TGFBR2: variants seen among roughly 807,000 people sequenced by gnomAD.
The protein encoded by TGFBR2 is transforming growth factor beta receptor 2.
Under a neutral mutation model 49.0 loss-of-function variants are expected in TGFBR2, and 18 were observed. That is an observed-to-expected ratio of 0.37 (90% CI 0.25 to 0.54). TGFBR2 has a LOEUF of 0.54. Among genes scored for constraint, TGFBR2 ranks in the 20% least tolerant of loss-of-function variants. The pLI is 0.85. For synonymous variants in TGFBR2, 282 were observed against 275.9 expected, an observed-to-expected ratio of 1.02 and a Z score of -0.22; for missense variants, 525 against 722.6, an observed-to-expected ratio of 0.73 and a Z score of 3.13.
chr3:30,675,889 C>T (rs529233529), intron 5 of TGFBR2, among the ~76,000 whole-genome samples: 6 of 152,254 alleles, frequency 3.9e-5, no homozygotes, highest in African/African-American at 9.6e-5. Context: ...ACTTCCAAGT[C>T]CCCAGTAATG....
chr3:30,611,818 G>T (rs905651721), intron 1 of TGFBR2, among the ~76,000 whole-genome samples: 2 of 152,088 alleles, frequency 1.3e-5, no homozygotes, highest in Non-Finnish European at 1.5e-5. Flanking sequence ...TTTAAATAGG[G>T]TGCAGGGGAA....
Position 30,676,841 on chromosome 3 carries a change from A to G in TGFBR2, c.1396+2595A>G, listed in dbSNP as rs1253232846. Reference sequence around the variant, plus strand: ...TTATTATTATCTAGTTTCTTGACTGAGATTTCTTCCCCCAAAACACTTCCA... The same window carrying G: ...TTATTATTATCTAGTTTCTTGACTGGGATTTCTTCCCCCAAAACACTTCCA... On this transcript the variant is annotated intron_variant, in intron 5 of 6. Coordinates refer to ENST00000295754, the MANE Select transcript of TGFBR2 (RefSeq NM_003242.6). This position sits in a 1 kb window ranked among gnomAD's most constrained non-coding sequence, Gnocchi z 4.3. Among the ~76,000 whole-genome samples, 3 of 152,174 alleles carry G rather than the reference A, an allele frequency of 2.0e-5. No homozygotes were observed. The highest frequency in any genetic ancestry group is 4.4e-5 in the Non-Finnish European group (3 of 68,028).
At chr3:30,628,776 G>C (rs1222644153) in intron 1 of TGFBR2, among the ~76,000 whole-genome samples, 2 of 152,046 alleles carry the variant, frequency 1.3e-5, no homozygotes, top group Non-Finnish European at 2.9e-5. Context: ...GTTTCAGCTT[G>C]TTGCAAACCT....
rs1699251999 is a variant in TGFBR2 at position 30,666,737 on chromosome 3, G to GTAA, written c.455-4900_455-4898dup. 7.4e-5 allele frequency among the ~76,000 whole-genome samples: 11 copies of GTAA among 149,546 alleles called. No homozygotes were observed. The South Asian group carries it at 1.1e-3, about 14-fold the overall frequency. On this transcript the variant is annotated intron_variant, in intron 3 of 6. Transcript: ENST00000295754. ...CTGCCGCCTTGAACTCCTGCCTCAA[G>GTAA]TAAAGTAATCCTCCTGCCTCAGCCA...
At chr3:30,606,406 C>T (rs1030569666), upstream of TGFBR2, 6 of 228,792 alleles carry the variant, frequency 2.6e-5, no homozygotes, top group Non-Finnish European at 5.2e-5. Context: ...TGTGGGAGGG[C>T]GGTGAGGGGC....
chr3:30,675,457 G>T (rs886238990), intron 5 of TGFBR2, among the ~76,000 whole-genome samples: 2 of 151,302 alleles, frequency 1.3e-5, no homozygotes, highest in Admixed American at 6.6e-5. Context: ...CGCAATCTCG[G>T]CTGACTGCAA....
chr3:30,684,717 A>C (rs775338975), intron 5 of TGFBR2, among the ~76,000 whole-genome samples: 6,545 of 152,296 alleles, frequency 0.043, 458 homozygotes, highest in African/African-American at 0.15. Flanking sequence ...CCTTGGGAAT[A>C]TTAGGGAGTC....
intron 1 of TGFBR2, among the ~76,000 whole-genome samples, chr3:30,632,001 G>A (rs1241839879): frequency 6.6e-6 from 1 of 152,060 alleles, no homozygotes; most frequent in East Asian, 1.9e-4. Flanking sequence ...GAAGATTAAG[G>A]AATATTGCTT....
At chr3:30,633,212 T>C (rs1698468944) in intron 1 of TGFBR2, among the ~76,000 whole-genome samples, 1 of 152,220 alleles carries the variant, frequency 6.6e-6, no homozygotes, top group African/African-American at 2.4e-5. Flanking sequence ...GACCCTTAAT[T>C]TCTCCATCTA....
rs104893819 is a variant in TGFBR2, at chr3:30,688,470, C to A, written c.1483C>A (p.Arg495=). Residue 495 remains arginine, a synonymous_variant, in exon 6 of 7, where the codon CGA becomes AGA. Coordinates refer to ENST00000295754, the MANE Select transcript of TGFBR2 (RefSeq NM_003242.6). The part of the protein sequence containing the change: ...ESMKDNVLRD[R]GRPEIPSFWL... ...CATGAAGGACAACGTGTTGAGAGAT[C>A]GAGGGCGACCAGAAATTCCCAGCTT... 7 of 1,614,194 alleles carry A rather than the reference C, an allele frequency of 4.3e-6. No homozygotes were observed. The highest frequency in any genetic ancestry group is 5.9e-6 in the Non-Finnish European group (7 of 1,180,028).
Position 30,671,750 on chromosome 3 carries a change from C to T in TGFBR2, c.567C>T (p.Tyr189=), listed in dbSNP as rs371221124. ...CTGTCATCATCATCTTCTACTGCTA[C>T]CGCGTTAACCGGCAGCAGAAGCTGA... The part of the protein sequence containing the change: ...AISVIIIFYC[Y]RVNRQQKLSS... Residue 189 remains tyrosine (Y), a synonymous_variant, in exon 4 of 7, where the codon TAC becomes TAT. Coordinates refer to ENST00000295754, the MANE Select transcript of TGFBR2 (RefSeq NM_003242.6). 7.1e-5 allele frequency: 115 copies of T among 1,614,104 alleles called. No individual in the cohort carries two copies. The highest frequency in any genetic ancestry group is 8.9e-5 in the Non-Finnish European group (105 of 1,180,040).
chr3:30,683,173 C>A (rs1262808021), intron 5 of TGFBR2, among the ~76,000 whole-genome samples: 2 of 152,168 alleles, frequency 1.3e-5, no homozygotes. Context: ...ATTTGAAACC[C>A]TTAAAATATG....
At chr3:30,621,676 T>A (rs1698234006) in intron 1 of TGFBR2, among the ~76,000 whole-genome samples, 1 of 152,226 alleles carries the variant, frequency 6.6e-6, no homozygotes. Context: ...TGGTTCACTC[T>A]CAAAACTACT....
intron 1 of TGFBR2, among the ~76,000 whole-genome samples, chr3:30,643,360 A>G (rs531294073): frequency 2.6e-5 from 4 of 152,332 alleles, no homozygotes; most frequent in African/African-American, 2.4e-5. Context: ...TTGAGTGCCT[A>G]GTAGCCTTGT....
At chr3:30,656,653 G>A (rs971231032) in intron 3 of TGFBR2, among the ~76,000 whole-genome samples, 1 of 152,168 alleles carries the variant, frequency 6.6e-6, no homozygotes, top group African/African-American at 2.4e-5. Flanking sequence ...GCATGCTGCT[G>A]GACCACTTCC....
chr3:30,637,681 A>C (rs1371693214), intron 1 of TGFBR2, among the ~76,000 whole-genome samples: 1 of 152,208 alleles, frequency 6.6e-6, no homozygotes, highest in Non-Finnish European at 1.5e-5. Flanking sequence ...ACACTTATAA[A>C]GATAGCCACA....
chr3:30,618,290 C>T (rs991971245), intron 1 of TGFBR2, among the ~76,000 whole-genome samples: 11 of 144,774 alleles, frequency 7.6e-5, no homozygotes, highest in East Asian at 4.1e-4. Context: ...TGTACAGTGG[C>T]GCAATCTCGG....
chr3:30,691,563 G>A lies in TGFBR2; in HGVS notation c.1668G>A (p.Lys556=), dbSNP rs779923854. 3.7e-6 allele frequency: 6 copies of A among 1,614,038 alleles called. No homozygotes were observed. In the East Asian group the frequency reaches 1.1e-4, roughly 30 times the overall value. The change falls in exon 7 of 7, where the codon AAG becomes AAA. Residue 556 remains lysine (K), a synonymous_variant. Coordinates refer to ENST00000295754, the MANE Select transcript of TGFBR2 (RefSeq NM_003242.6). ...CGGGGAGGAGCTGCTCGGAGGAGAA[G>A]ATTCCTGAAGACGGCTCCCTAAACA... ...RLSGRSCSEE[K]IPEDGSLNTT...
At chr3:30,607,095 A>G in intron 1 of TGFBR2, 118 bp downstream of exon 1, 1 of 819,990 alleles carries the variant, frequency 1.2e-6, no homozygotes, top group South Asian at 1.7e-5. Flanking sequence ...AAACGAGGAA[A>G]GTTTCCCCCG....
Sources: gnomAD v4.1 joint callset for allele counts (sites outside exome capture counted in the v4.1 genomes callset) on GRCh38, gnomAD v4.1.1 for gene constraint, Gnocchi (gnomAD v3.1) non-coding constraint, MANE v1.5 for transcripts, NCBI Gene and HGNC (gene_info 2026-07-23, HGNC 2026-07-21) for gene names.